TSPAN18: variants seen among roughly 807,000 people sequenced by gnomAD.
The protein encoded by TSPAN18 is tetraspanin 18.
TSPAN18 carries 14 observed loss-of-function variants against 27.3 expected under a neutral mutation model. That is an observed-to-expected ratio of 0.51 (90% CI 0.34 to 0.80). The LOEUF is 0.80. TSPAN18 is among the 30% of genes least tolerant of loss of function. The pLI, the probability that TSPAN18 is intolerant of heterozygous loss-of-function variation, is 0.01. For synonymous variants in TSPAN18, 143 were observed against 136.5 expected (o/e 1.05, Z -0.33); for missense variants, 268 against 323.9 (o/e 0.83, Z 1.32).
At chr11:44,898,147 G>A (rs779481845) in intron 3 of TSPAN18, among the ~76,000 whole-genome samples, 4 of 152,190 alleles carry the variant, frequency 2.6e-5, no homozygotes, top group Non-Finnish European at 5.9e-5. Flanking sequence ...TATGAAACAT[G>A]CATTCTAATA....
intron 3 of TSPAN18, among the ~76,000 whole-genome samples, chr11:44,863,366 G>C (rs1256341533): frequency 2.6e-5 from 4 of 152,234 alleles, no homozygotes; most frequent in Non-Finnish European, 5.9e-5. Flanking sequence ...GGCCGTGCTG[G>C]GCCTGGGGCC....
intron 3 of TSPAN18, among the ~76,000 whole-genome samples, chr11:44,894,626 G>C (rs375043050): frequency 6.6e-6 from 1 of 152,366 alleles, no homozygotes; most frequent in South Asian, 2.1e-4. Context: ...GCCCGGGCAG[G>C]GGTCCGCCGA....
chr11:44,822,695 C>A (rs1439967736), intron 2 of TSPAN18, among the ~76,000 whole-genome samples: 1 of 152,094 alleles, frequency 6.6e-6, no homozygotes, highest in Non-Finnish European at 1.5e-5. Flanking sequence ...TCTGGAATTA[C>A]AACCCCCTTC....
chr11:44,926,464 G>C lies in TSPAN18; in HGVS notation c.616-210G>C, dbSNP rs1260487202. The stretch of plus-strand genomic sequence containing the variant: ...TTCTCTGTCCCACCTTAGGGGCCGG[G>C]TGGCAAAGAGGGTCTTTGGTGCAAT... On this transcript the variant is annotated intron_variant, in intron 8 of 9. Transcript: ENST00000520358. The C allele has an allele frequency of 7.0e-6, 4 of 567,462 alleles. 1 individual carries two copies. The Admixed American group carries it at 9.3e-5, about 13-fold the overall frequency. The allele number at this position is 567,462 out of a possible 1,614,324, so 35.2% of individuals were successfully genotyped here.
intron 2 of TSPAN18, among the ~76,000 whole-genome samples, chr11:44,812,384 T>C (rs1383307886): frequency 1.3e-5 from 2 of 152,196 alleles, no homozygotes; most frequent in African/African-American, 4.8e-5. Context: ...GCCCTTTCCC[T>C]CCTTCCTTCC....
intron 2 of TSPAN18, among the ~76,000 whole-genome samples, chr11:44,820,174 A>T (rs1856898087): frequency 6.6e-6 from 1 of 152,136 alleles, no homozygotes. Flanking sequence ...TGTTCTACTC[A>T]CTCATGATAA....
intron 5 of TSPAN18, among the ~76,000 whole-genome samples, chr11:44,915,492 A>C (rs768864415): frequency 3.3e-5 from 5 of 152,054 alleles, no homozygotes; most frequent in Non-Finnish European, 7.4e-5. Context: ...TGGTTGGGGA[A>C]CTCTGCTCCC....
chr11:44,817,579 A>G (rs1856841142), intron 2 of TSPAN18, among the ~76,000 whole-genome samples: 1 of 152,364 alleles, frequency 6.6e-6, no homozygotes, highest in East Asian at 1.9e-4. Context: ...CCAGAGGCCA[A>G]GAAGACCCTC....
rs1412429060 is a variant in TSPAN18, at chr11:44,808,326, A to C, written c.-153+43814A>C. Among the ~76,000 whole-genome samples, 3 of 152,180 alleles carry C rather than the reference A, an allele frequency of 2.0e-5. No homozygotes were observed. The East Asian group carries it at 5.8e-4, about 29-fold the overall frequency. On this transcript the variant is annotated intron_variant, in intron 2 of 9. Transcript: ENST00000520358. ...AGCATCTTGAGGGTGGGTGTTTCTG[A>C]ACCTGGATTCAGACCACAGCTGTGA...
chr11:44,919,594 G>C, intron 7 of TSPAN18: 1 of 613,292 alleles, frequency 1.6e-6, no homozygotes, highest in Admixed American at 2.9e-5. Context: ...TAAGCGCCTG[G>C]TGAGGTAGGA....
chr11:44,773,876 T>A (rs1466616269), intron 2 of TSPAN18, among the ~76,000 whole-genome samples: 3 of 152,140 alleles, frequency 2.0e-5, no homozygotes, highest in African/African-American at 7.2e-5. Flanking sequence ...CTGAGCACCA[T>A]TTGTGTACCC....
At chr11:44,921,961 C>T (rs907151143) in intron 8 of TSPAN18, among the ~76,000 whole-genome samples, 23 of 152,272 alleles carry the variant, frequency 1.5e-4, no homozygotes, top group South Asian at 4.1e-4. Flanking sequence ...TCCAGTGACT[C>T]TGTTGTTCCT....
intron 2 of TSPAN18, among the ~76,000 whole-genome samples, chr11:44,798,746 A>C (rs1255677544): frequency 6.6e-6 from 1 of 152,222 alleles, no homozygotes; most frequent in Non-Finnish European, 1.5e-5. Flanking sequence ...AGAGTGAGGA[A>C]GCTCTGCCAG....
At chr11:44,780,027 A>G (rs6485574) in intron 2 of TSPAN18, among the ~76,000 whole-genome samples, 53,049 of 152,172 alleles carry the variant, frequency 0.35, 9,993 homozygotes, top group East Asian at 0.74. Context: ...GCATCTATGC[A>G]TACACCTGTA....
intron 8 of TSPAN18, chr11:44,925,623 C>T (rs942316898): frequency 6.6e-6 from 1 of 152,296 alleles, no homozygotes; most frequent in Non-Finnish European, 1.5e-5. Flanking sequence ...CCCAAGAATC[C>T]CCGGTCTCAA....
chr11:44,741,442 CATGT>C (rs543067459), intron 1 of TSPAN18, among the ~76,000 whole-genome samples: 93 of 125,576 alleles, frequency 7.4e-4, no homozygotes, highest in African/African-American at 2.8e-3. Flanking sequence ...CTGTCTCAGA[CATGT>C]ATGTGTGTGT....
intron 1 of TSPAN18, among the ~76,000 whole-genome samples, chr11:44,754,843 G>T (rs1254847443): frequency 6.6e-6 from 1 of 152,208 alleles, no homozygotes; most frequent in Non-Finnish European, 1.5e-5. Flanking sequence ...AGTGCTTTCA[G>T]ACAGCACAAA....
chr11:44,807,548 A>AT (rs1037670620), intron 2 of TSPAN18, among the ~76,000 whole-genome samples: 4 of 151,060 alleles, frequency 2.6e-5, no homozygotes, highest in African/African-American at 9.7e-5. Context: ...AAAAAAAAAA[A>AT]AAAGAAAAGA....
chr11:44,795,772 C>T (rs1856335737), intron 2 of TSPAN18, among the ~76,000 whole-genome samples: 1 of 152,102 alleles, frequency 6.6e-6, no homozygotes, highest in Admixed American at 6.5e-5. Context: ...GACTGGCTTC[C>T]ATGTGGTTTG....
Sources: allele counts gnomAD v4.1 joint callset (sites outside exome capture counted in the v4.1 genomes callset), GRCh38; gene constraint gnomAD v4.1.1; transcripts MANE v1.5; gene names NCBI Gene and HGNC (gene_info 2026-07-23, HGNC 2026-07-21).